The following RGS9 variants were observed in gnomAD, a reference collection of about 807,000 sequenced individuals.
The protein encoded by RGS9 is regulator of G-protein signalling 9.
Under a neutral mutation model 102.0 loss-of-function variants are expected in RGS9, and 78 were observed. That is an observed-to-expected ratio of 0.76 (90% CI 0.64 to 0.92). The LOEUF (loss-of-function observed/expected upper bound fraction) is 0.92. Among genes scored for constraint, RGS9 ranks in the 40% least tolerant of loss-of-function variants. The probability of loss-of-function intolerance (pLI) is 0.00; values close to 1 mark genes in which losing one functional copy is unlikely to be tolerated. For synonymous variants in RGS9, 353 were observed against 318.6 expected (o/e 1.11, Z -1.15); for missense variants, 833 against 866.1 (o/e 0.96, Z 0.48).
chr17:65,186,144 GTTCAC>G (rs1196426239), intron 9 of RGS9, among the ~76,000 whole-genome samples: 4 of 151,742 alleles, frequency 2.6e-5, no homozygotes, highest in Non-Finnish European at 5.9e-5. Context: ...TACGGCTCTA[GTTCAC>G]TTTTGGTTTA....
In RGS9 at chr17:65,225,310, C is replaced by T. The variant is rs903192828; in HGVS notation, c.1716C>T (p.Ala572=). 1 of 1,610,210 alleles carries T rather than the reference C, an allele frequency of 6.2e-7. No individual in the cohort carries two copies. Among genetic ancestry groups the T allele is most frequent in the South Asian group, 1.1e-5 (1 of 91,086 alleles). The change falls in exon 18 of 19, where the codon GCC becomes GCT. Residue 572 remains alanine (A), a synonymous_variant. Transcript: ENST00000262406. ...DTSWPRSRPR[A]PPKARMALSF... The stretch of plus-strand genomic sequence containing the variant: ...CCTGGCCTCGCAGCCGGCCCAGGGC[C>T]CCTCCTAAGGCCCGCATGGCTCTGT...
chr17:65,159,603 G>C (rs773645869), intron 3 of RGS9, among the ~76,000 whole-genome samples: 1 of 152,150 alleles, frequency 6.6e-6, no homozygotes, highest in African/African-American at 2.4e-5. Flanking sequence ...CCTCCCCAGA[G>C]GATGGAAGGA....
At chr17:65,223,384 C>T (rs1428691968) in intron 17 of RGS9, among the ~76,000 whole-genome samples, 1 of 152,240 alleles carries the variant, frequency 6.6e-6, no homozygotes, top group Non-Finnish European at 1.5e-5. Context: ...GTTTGAACTT[C>T]AGGGAGCTGG....
At chr17:65,207,457 C>A (rs568688431) in intron 15 of RGS9, among the ~76,000 whole-genome samples, 5 of 152,342 alleles carry the variant, frequency 3.3e-5, no homozygotes, top group East Asian at 1.9e-4. Context: ...TGTCTCCATA[C>A]ATGACCAGCT....
At chr17:65,187,290 C>T (rs1260186616) in intron 9 of RGS9, among the ~76,000 whole-genome samples, 1 of 152,126 alleles carries the variant, frequency 6.6e-6, no homozygotes, top group African/African-American at 2.4e-5. Flanking sequence ...TTGATTCATA[C>T]ATTAAACAAA....
intron 15 of RGS9, 31 bp from the exon 16 acceptor site, chr17:65,207,891 A>G (rs377374551): frequency 1.7e-4 from 259 of 1,516,650 alleles, no homozygotes; most frequent in Non-Finnish European, 2.3e-4. Flanking sequence ...TTTTTCTCTC[A>G]TAATTACTGT....
chr17:65,209,842 C>T (rs930290005), intron 16 of RGS9, among the ~76,000 whole-genome samples: 3 of 152,194 alleles, frequency 2.0e-5, no homozygotes, highest in African/African-American at 7.2e-5. Flanking sequence ...CTTTGGGAGG[C>T]TGAGGCGGAT....
intron 1 of RGS9, among the ~76,000 whole-genome samples, chr17:65,139,890 C>T (rs1004424572): frequency 1.6e-4 from 24 of 152,310 alleles, no homozygotes; most frequent in Admixed American, 1.2e-3. Flanking sequence ...CCATGCCAGG[C>T]GATCCTTAAT....
intron 1 of RGS9, among the ~76,000 whole-genome samples, chr17:65,148,969 T>G (rs1910473507): frequency 6.6e-6 from 1 of 152,158 alleles, no homozygotes; most frequent in Non-Finnish European, 1.5e-5. Context: ...TTTTGTTTTG[T>G]TTTGTTTTTT....
Position 65,160,350 on chromosome 17 carries a change from G to C in RGS9, c.312+11G>C. On this transcript the variant is annotated intron_variant, in intron 4 of 18. Coordinates refer to ENST00000262406, the MANE Select transcript of RGS9 (RefSeq NM_003835.4). ...CTCTACAGATTTCAGGTGAGTCTTGGCCTTGACCCTGGCTGTTCATATGGG... is the reference window on the plus strand; with the variant it reads ...CTCTACAGATTTCAGGTGAGTCTTGCCCTTGACCCTGGCTGTTCATATGGG... 1.2e-6 allele frequency: 2 copies of C among 1,605,326 alleles called. No individual in the cohort carries two copies. Among genetic ancestry groups the C allele is most frequent in the Non-Finnish European group, 1.7e-6 (2 of 1,172,048 alleles).
intron 13 of RGS9, 34 bp downstream of exon 13, chr17:65,197,275 A>T: frequency 7.2e-7 from 1 of 1,386,292 alleles, no homozygotes; most frequent in Non-Finnish European, 1.0e-6. Context: ...AATTAAAATA[A>T]CTTACTTTTA....
In RGS9 at chr17:65,142,659, G is replaced by A. The variant is rs141223364; in HGVS notation, c.57+5062G>A. Among the ~76,000 whole-genome samples the A allele has an allele frequency of 2.4e-4, 36 of 150,096 alleles. No individual in the cohort carries two copies. In the East Asian group the frequency reaches 6.1e-3, roughly 25 times the overall value. ...GTACAGTGGCGAGATCTCGGCTAACGGTAACCTCTGCCTCCCGGGTTCAAG... is the reference window on the plus strand; with the variant it reads ...GTACAGTGGCGAGATCTCGGCTAACAGTAACCTCTGCCTCCCGGGTTCAAG... On this transcript the variant is annotated intron_variant, in intron 1 of 18. Coordinates refer to ENST00000262406, the MANE Select transcript of RGS9 (RefSeq NM_003835.4).
At chr17:65,145,929 C>T (rs1426761776) in intron 1 of RGS9, among the ~76,000 whole-genome samples, 1 of 152,128 alleles carries the variant, frequency 6.6e-6, no homozygotes, top group Non-Finnish European at 1.5e-5. Flanking sequence ...TCCCGAGGTC[C>T]ACGTGACGTT....
chr17:65,144,703 A>G (rs1910287622), intron 1 of RGS9, among the ~76,000 whole-genome samples: 1 of 152,194 alleles, frequency 6.6e-6, no homozygotes, highest in South Asian at 2.1e-4. Flanking sequence ...TTTGCAGCAG[A>G]ATAGCAAGGG....
rs576002250 is a variant in RGS9 at position 65,195,223 on chromosome 17, G to C, written c.860+1567G>C. Among the ~76,000 whole-genome samples the C allele has an allele frequency of 1.1e-4, 16 of 152,214 alleles. No homozygotes were observed. In the South Asian group the frequency reaches 3.3e-3, roughly 32 times the overall value. ...AGGCAGGGAATCTGGCCAGGAAGAGGGTTGTCCTAGGAGGGCTTGGGGAGG... is the reference window on the plus strand; with the variant it reads ...AGGCAGGGAATCTGGCCAGGAAGAGCGTTGTCCTAGGAGGGCTTGGGGAGG... On this transcript the variant is annotated intron_variant, in intron 12 of 18. Transcript: ENST00000262406.
At chr17:65,219,580 T>G (rs1913629037) in intron 17 of RGS9, among the ~76,000 whole-genome samples, 1 of 152,234 alleles carries the variant, frequency 6.6e-6, no homozygotes, top group South Asian at 2.1e-4. Context: ...GGTGCATAGC[T>G]TGTGCTAGGA....
At position 65,170,759 on chromosome 17, in the gene RGS9, G is replaced by T. The variant is rs946158537; in HGVS notation, c.582+2478G>T. ...CTCAGAGTGGTCCTAGAACTTCCAG[G>T]ACTAAAAACTGCTCCCCACATCTAA... On this transcript the variant is annotated intron_variant, in intron 8 of 18. Transcript: ENST00000262406. 4.6e-5 allele frequency among the ~76,000 whole-genome samples: 7 copies of T among 152,200 alleles called. No homozygotes were observed. The South Asian group carries it at 6.2e-4, about 14-fold the overall frequency.
chr17:65,206,321 T>C (rs1405481213), intron 15 of RGS9, among the ~76,000 whole-genome samples: 1 of 152,242 alleles, frequency 6.6e-6, no homozygotes, highest in African/African-American at 2.4e-5. Context: ...TACTAGACGA[T>C]TCACAGCAGG....
chr17:65,183,968 T>C, intron 9 of RGS9, among the ~76,000 whole-genome samples: 1 of 152,226 alleles, frequency 6.6e-6, no homozygotes, highest in East Asian at 1.9e-4. Flanking sequence ...TAAGAAGTTG[T>C]TAGAATGCTA....
Sources: allele counts gnomAD v4.1 joint callset (sites outside exome capture counted in the v4.1 genomes callset), GRCh38; gene constraint gnomAD v4.1.1; transcripts MANE v1.5; gene names NCBI Gene and HGNC (gene_info 2026-07-23, HGNC 2026-07-21).